Variants in PELI1 observed in about 807,000 individuals in gnomAD.
PELI1 encodes the protein E3 ubiquitin-protein ligase pellino homolog 1.
Under a neutral mutation model 41.3 loss-of-function variants are expected in PELI1, and 15 were observed. The ratio of observed to expected loss-of-function variants is 0.36; its 90% confidence interval spans 0.24 to 0.56. The LOEUF (loss-of-function observed/expected upper bound fraction) is 0.56. Ranked by LOEUF, PELI1 falls within the 20% of genes least tolerant of loss-of-function variation. The pLI, the probability that PELI1 is intolerant of heterozygous loss-of-function variation, is 0.82. For synonymous variants in PELI1, 178 were observed against 180.1 expected (o/e 0.99, Z 0.09); for missense variants, 403 against 525.5 (o/e 0.77, Z 2.28).
chr2:64,122,282 C>T (rs953781486), intron 1 of PELI1, among the ~76,000 whole-genome samples: 1 of 148,850 alleles, frequency 6.7e-6, no homozygotes, highest in Non-Finnish European at 1.5e-5. Context: ...ATGTCTGAAC[C>T]TCTAGCAATT....
At chr2:64,111,451 G>T (rs1381154614) in intron 1 of PELI1, among the ~76,000 whole-genome samples, 1 of 152,024 alleles carries the variant, frequency 6.6e-6, no homozygotes, top group Non-Finnish European at 1.5e-5. Flanking sequence ...TTTAAAAAAT[G>T]CTTCAGAAAT....
intron 1 of PELI1, among the ~76,000 whole-genome samples, chr2:64,110,317 AC>A (rs1481353882): frequency 6.6e-6 from 1 of 152,036 alleles, no homozygotes; most frequent in Non-Finnish European, 1.5e-5. Flanking sequence ...TGCATTTATA[AC>A]GACAATTAGA....
At chr2:64,141,282 CTT>C (rs1424391092) in intron 1 of PELI1, among the ~76,000 whole-genome samples, 1 of 151,390 alleles carries the variant, frequency 6.6e-6, no homozygotes, top group Non-Finnish European at 1.5e-5. Context: ...ATAAATGTAA[CTT>C]TTGGAATAAC....
Position 64,095,224 on chromosome 2 carries a change from G to A in PELI1, c.735C>T (p.Asp245=), listed in dbSNP as rs1260431528. ...TNQLQDGSLI[D]LCGATLLWRT... ...GCCATAACAATGTTGCACCACAGAG[G>A]TCAATTAACGAGCCATCTTGTAACT... is the stretch of plus-strand genomic sequence containing the variant. The change falls in exon 7 of 7, where the codon GAC becomes GAT. Residue 245 remains aspartate, a synonymous_variant. Coordinates refer to ENST00000358912, the MANE Select transcript of PELI1 (RefSeq NM_020651.4). 2 of 1,613,998 alleles carry A rather than the reference G, an allele frequency of 1.2e-6. No homozygotes were observed. Among genetic ancestry groups the A allele is most frequent in the South Asian group, 1.1e-5 (1 of 91,078 alleles).
chr2:64,129,606 T>C (rs982390025), intron 1 of PELI1, among the ~76,000 whole-genome samples: 10 of 152,186 alleles, frequency 6.6e-5, no homozygotes, highest in African/African-American at 1.9e-4. Context: ...TATTATTTCT[T>C]TTTTTGTGAT....
intron 4 of PELI1, among the ~76,000 whole-genome samples, chr2:64,098,537 A>C (rs1458855647): frequency 6.6e-6 from 1 of 151,972 alleles, no homozygotes; most frequent in Non-Finnish European, 1.5e-5. Context: ...ACCTGATAAA[A>C]AGATCTACAT....
intron 4 of PELI1, among the ~76,000 whole-genome samples, chr2:64,098,525 T>G (rs995001268): frequency 6.6e-6 from 1 of 152,052 alleles, no homozygotes; most frequent in Non-Finnish European, 1.5e-5. Flanking sequence ...AAATCCTACT[T>G]AACCTGATAA....
intron 2 of PELI1, 146 bp downstream of exon 2, chr2:64,108,094 T>C: frequency 3.4e-6 from 2 of 583,766 alleles, no homozygotes; most frequent in Non-Finnish European, 6.1e-6. Flanking sequence ...AAAGAGTTTC[T>C]TGATTTGGTA....
intron 1 of PELI1, among the ~76,000 whole-genome samples, chr2:64,139,476 G>A (rs969850926): frequency 1.3e-5 from 2 of 151,720 alleles, no homozygotes; most frequent in Non-Finnish European, 2.9e-5. Flanking sequence ...AAACTTCTTT[G>A]TAGAGACAAG....
chr2:64,140,151 A>G (rs1353196842), intron 1 of PELI1, among the ~76,000 whole-genome samples: 3 of 152,264 alleles, frequency 2.0e-5, no homozygotes. Context: ...TTTTAGAATT[A>G]GCAACATCCC....
chr2:64,097,433 T>C (rs1278560630), intron 4 of PELI1, among the ~76,000 whole-genome samples: 1 of 152,256 alleles, frequency 6.6e-6, no homozygotes, highest in East Asian at 1.9e-4. Flanking sequence ...TTCCTGGTTC[T>C]TAGGGATATT....
chr2:64,124,973 A>G (rs1033714063), intron 1 of PELI1, among the ~76,000 whole-genome samples: 11 of 152,146 alleles, frequency 7.2e-5, no homozygotes, highest in Non-Finnish European at 4.4e-5. Flanking sequence ...ATTTACTGGT[A>G]CAGCTCACAG....
intron 1 of PELI1, among the ~76,000 whole-genome samples, chr2:64,111,626 G>C (rs2103697440): frequency 6.6e-6 from 1 of 152,256 alleles, no homozygotes; most frequent in Admixed American, 6.5e-5. Flanking sequence ...TCTGAGTTGT[G>C]AGGCAATCAG....
intron 1 of PELI1, among the ~76,000 whole-genome samples, chr2:64,132,085 T>A (rs150413054): frequency 2.0e-5 from 3 of 152,342 alleles, no homozygotes; most frequent in African/African-American, 7.2e-5. Flanking sequence ...TGGCAACAGA[T>A]CTTTCCCCCT....
At chr2:64,111,301 T>C (rs1026806526) in intron 1 of PELI1, among the ~76,000 whole-genome samples, 3 of 152,122 alleles carry the variant, frequency 2.0e-5, no homozygotes, top group African/African-American at 7.2e-5. Context: ...GCCCAATGAA[T>C]AAGAACACGT....
chr2:64,101,637 A>G (rs561329825), intron 3 of PELI1, among the ~76,000 whole-genome samples: 10 of 152,318 alleles, frequency 6.6e-5, no homozygotes, highest in African/African-American at 2.4e-4. Flanking sequence ...GTTTGGCATC[A>G]TAAGCTTTTA....
At chr2:64,137,854 T>A (rs571787936) in intron 1 of PELI1, among the ~76,000 whole-genome samples, 1 of 152,292 alleles carries the variant, frequency 6.6e-6, no homozygotes, top group South Asian at 2.1e-4. Flanking sequence ...GCTCTTAAAC[T>A]GGCTTAGACG....
chr2:64,125,848 T>G (rs1681366263), intron 1 of PELI1, among the ~76,000 whole-genome samples: 1 of 152,238 alleles, frequency 6.6e-6, no homozygotes, highest in Non-Finnish European at 1.5e-5. Context: ...ATTCCACATG[T>G]AAGTACTTAA....
chr2:64,130,376 G>A (rs955096780), intron 1 of PELI1, among the ~76,000 whole-genome samples: 16 of 152,106 alleles, frequency 1.1e-4, no homozygotes, highest in African/African-American at 1.7e-4. Context: ...TGTTGTTAAC[G>A]TTATCACTAT....
Sources: gnomAD v4.1 joint callset for allele counts (sites outside exome capture counted in the v4.1 genomes callset) on GRCh38, gnomAD v4.1.1 for gene constraint, MANE v1.5 for transcripts, NCBI Gene and HGNC (gene_info 2026-07-23, HGNC 2026-07-21) for gene names.